WFDC8: variants seen among roughly 807,000 people sequenced by gnomAD.
The protein encoded by WFDC8 is WAP four-disulfide core domain protein 8.
Under a neutral mutation model 27.0 loss-of-function variants are expected in WFDC8, and 24 were observed. That is an observed-to-expected ratio of 0.89 (90% confidence interval 0.64 to 1.25). The LOEUF (loss-of-function observed/expected upper bound fraction) is 1.25. WFDC8 is among the 50% of genes most tolerant of loss of function. WFDC8 has a pLI of 0.00. For missense variants in WFDC8, 287 were observed against 295.9 expected, an observed-to-expected ratio of 0.97 and a Z score of 0.22; for synonymous variants, 106 against 99.7, an observed-to-expected ratio of 1.06 and a Z score of -0.38.
chr20:45,554,626 C>A (rs1486098644), intron 4 of WFDC8, among the ~76,000 whole-genome samples: 2 of 152,182 alleles, frequency 1.3e-5, no homozygotes. Context: ...CCAGCCCAAG[C>A]CCATTTCCCT....
intron 1 of WFDC8, among the ~76,000 whole-genome samples, chr20:45,569,565 G>A (rs924672020): frequency 6.6e-6 from 1 of 152,112 alleles, no homozygotes; most frequent in Non-Finnish European, 1.5e-5. Flanking sequence ...ATAGCAGTAG[G>A]AAAATAGCAT....
intron 1 of WFDC8, among the ~76,000 whole-genome samples, chr20:45,571,441 GTAAT>G (rs1465179290): frequency 6.6e-6 from 1 of 152,126 alleles, no homozygotes; most frequent in East Asian, 1.9e-4. Context: ...TTATATCAGG[GTAAT>G]TAACACATCC....
intron 4 of WFDC8, 74 bp downstream of exon 4, chr20:45,555,627 C>A: frequency 6.5e-7 from 1 of 1,545,164 alleles, no homozygotes; most frequent in South Asian, 1.2e-5. Flanking sequence ...ACCTCAAATC[C>A]TGAGCCTATA....
Position 45,559,064 on chromosome 20 carries a change from G to A in WFDC8, c.137-72C>T, listed in dbSNP as rs1488628117. 6 of 1,584,586 alleles carry A rather than the reference G, an allele frequency of 3.8e-6. No homozygotes were observed. In the East Asian group the frequency reaches 1.1e-4, roughly 30 times the overall value. On this transcript the variant is annotated intron_variant, in intron 2 of 5. Coordinates refer to ENST00000289953, the MANE Select transcript of WFDC8 (RefSeq NM_130896.3). ...TCTTTTTCTCCTATGGCAAAGGTGT[G>A]TAGTGAAATTCTCTCAGCCCTATCC... is the stretch of plus-strand genomic sequence containing the variant.
chr20:45,572,731 C>T (rs754132218), intron 1 of WFDC8, among the ~76,000 whole-genome samples: 3 of 152,162 alleles, frequency 2.0e-5, no homozygotes, highest in African/African-American at 2.4e-5. Flanking sequence ...CTCAGCCTCC[C>T]GAGTAGCTGG....
chr20:45,571,082 A>T (rs892035112), intron 1 of WFDC8, among the ~76,000 whole-genome samples: 3 of 150,524 alleles, frequency 2.0e-5, no homozygotes, highest in Non-Finnish European at 2.9e-5. Flanking sequence ...AACCTACTTT[A>T]AAAAAAAGTC....
At position 45,558,961 on chromosome 20, in the gene WFDC8, G is replaced by A. The variant is rs1444319245; in HGVS notation, c.168C>T (p.Leu56=). 1.9e-6 allele frequency: 3 copies of A among 1,614,080 alleles called. No individual in the cohort carries two copies. Among genetic ancestry groups the A allele is most frequent in the Non-Finnish European group, 2.5e-6 (3 of 1,180,032 alleles). Residue 56 remains leucine, a synonymous_variant, in exon 3 of 6, where the codon CTC becomes CTT. Transcript: ENST00000289953. ...AGTCCGGAAGTTCAGTGGTACAGGT[G>A]AGCCTCTCTTTGGGACATAACCCTG... ...HKPGLCPKER[L]TCTTELPDSC... is the part of the protein sequence containing the mutation.
At chr20:45,561,971 C>T (rs748016642) in intron 2 of WFDC8, 139 bp downstream of exon 2, 69 of 689,490 alleles carry the variant, frequency 1.0e-4, no homozygotes, top group Middle Eastern at 5.0e-4. Context: ...GGGCCAGGGT[C>T]GTGAGCAGGG....
At chr20:45,558,776 T>A in intron 3 of WFDC8, 76 bp downstream of exon 3, 1 of 1,573,246 alleles carries the variant, frequency 6.4e-7, no homozygotes, top group South Asian at 1.2e-5. Context: ...TGTCCTGCCA[T>A]CCAAGGGAAT....
chr20:45,577,871 G>T (rs1423303787), intron 1 of WFDC8, among the ~76,000 whole-genome samples: 1 of 149,486 alleles, frequency 6.7e-6, no homozygotes, highest in Middle Eastern at 3.3e-3. Flanking sequence ...GCCTGGAGTG[G>T]TGGTGCACAC....
rs201464831 is a variant in WFDC8 at position 45,564,836 on chromosome 20, T to C, written c.27-2617A>G. Among the ~76,000 whole-genome samples, 16 of 146,686 alleles carry C rather than the reference T, an allele frequency of 1.1e-4. No individual in the cohort carries two copies. In the East Asian group the frequency reaches 3.2e-3, roughly 29 times the overall value. ...CAGCCTGGGTGACAGAGTGAGACCC[T>C]GTGGAGGAAGGGAAAGGAAAGGAAA... On this transcript the variant is annotated intron_variant, in intron 1 of 5. Coordinates refer to ENST00000289953, the MANE Select transcript of WFDC8 (RefSeq NM_130896.3).
At chr20:45,553,582 A>C (rs751863336) in intron 4 of WFDC8, among the ~76,000 whole-genome samples, 1 of 152,212 alleles carries the variant, frequency 6.6e-6, no homozygotes, top group Non-Finnish European at 1.5e-5. Flanking sequence ...AAGCCATTTT[A>C]GGGTATTTGG....
intron 1 of WFDC8, among the ~76,000 whole-genome samples, chr20:45,566,378 C>T (rs967592182): frequency 1.3e-5 from 2 of 152,080 alleles, no homozygotes; most frequent in Admixed American, 6.5e-5. Flanking sequence ...TAACATATTG[C>T]TAGCCAGGTG....
intron 1 of WFDC8, among the ~76,000 whole-genome samples, chr20:45,578,617 A>G (rs1156406521): frequency 6.6e-6 from 1 of 152,136 alleles, no homozygotes; most frequent in African/African-American, 2.4e-5. Context: ...CCCAAAGTCA[A>G]TGAGACAGAA....
chr20:45,576,694 A>C (rs1375775396), intron 1 of WFDC8, among the ~76,000 whole-genome samples: 1 of 151,498 alleles, frequency 6.6e-6, no homozygotes, highest in Non-Finnish European at 1.5e-5. Context: ...CAATGTGCCC[A>C]GCCTTAGAGT....
At chr20:45,553,491 T>C (rs550278017) in intron 4 of WFDC8, among the ~76,000 whole-genome samples, 1 of 152,316 alleles carries the variant, frequency 6.6e-6, no homozygotes, top group African/African-American at 2.4e-5. Context: ...AGCCCCATGG[T>C]AAAGTCCCAG....
At chr20:45,564,965 G>GAAGGAAAGAAAGAA (rs1175224764) in intron 1 of WFDC8, among the ~76,000 whole-genome samples, 3 of 63,734 alleles carry the variant, frequency 4.7e-5, no homozygotes, top group South Asian at 3.8e-4. Context: ...AGGAAGGAAG[G>GAAGGAAAGAAAGAA]AAAGAAAGAC....
At chr20:45,553,591 G>T (rs1158591014) in intron 4 of WFDC8, among the ~76,000 whole-genome samples, 1 of 152,118 alleles carries the variant, frequency 6.6e-6, no homozygotes, top group African/African-American at 2.4e-5. Context: ...TAGGGTATTT[G>T]GTTTTACTTA....
chr20:45,574,999 C>A (rs1430600965), intron 1 of WFDC8, among the ~76,000 whole-genome samples: 1 of 152,022 alleles, frequency 6.6e-6, no homozygotes, highest in African/African-American at 2.4e-5. Context: ...AAAATCTCAA[C>A]AAATTAGGTA....
Sources: allele counts gnomAD v4.1 joint callset (sites outside exome capture counted in the v4.1 genomes callset), GRCh38; gene constraint gnomAD v4.1.1; transcripts MANE v1.5; gene names NCBI Gene and HGNC (gene_info 2026-07-23, HGNC 2026-07-21).